Variants in CPEB2 observed in about 807,000 individuals in gnomAD.
CPEB2 encodes cytoplasmic polyadenylation element-binding protein 2.
CPEB2 carries 56 observed loss-of-function variants against 93.6 expected under a neutral mutation model. The observed-to-expected ratio is 0.60, with a 90% CI of 0.48 to 0.75. The LOEUF (loss-of-function observed/expected upper bound fraction) is 0.75. CPEB2 is among the 30% of genes least tolerant of loss of function. CPEB2 has a pLI of 0.00. For missense variants in CPEB2, 1,579 were observed against 1,395.1 expected, an observed-to-expected ratio of 1.13 and a Z score of -2.10; for synonymous variants, 764 against 586.3, an observed-to-expected ratio of 1.30 and a Z score of -4.38.
At chr4:15,063,784 C>T (rs1330337584) in intron 11 of CPEB2, 1 of 152,054 alleles carries the variant, frequency 6.6e-6, no homozygotes, top group Non-Finnish European at 1.5e-5. Flanking sequence ...TAAAGAGCAA[C>T]TCAGTTGCAG....
chr4:15,038,952 T>C (rs1039281706), intron 5 of CPEB2, among the ~76,000 whole-genome samples: 4 of 152,278 alleles, frequency 2.6e-5, no homozygotes, highest in African/African-American at 9.6e-5. Context: ...TCAGTTGATC[T>C]CCCATCACTT....
In CPEB2 at chr4:15,003,004, G is replaced by A. The variant is rs1722171280; in HGVS notation, c.331G>A (p.Gly111Arg). 6.7e-7 allele frequency: 1 copy of A among 1,497,062 alleles called. No homozygotes were observed. Among genetic ancestry groups the A allele is most frequent in the Non-Finnish European group, 8.8e-7 (1 of 1,134,466 alleles). The allele number at this position is 1,497,062 out of a possible 1,614,324, so 92.7% of individuals were successfully genotyped here. A position where few individuals can be genotyped will look rare whatever the true frequency, so the allele number is the denominator to read the frequency against. ...ACAGCAGCCGGCGCGGCCGCTTTCG[G>A]GGGCGGCGGCCACGGAGAAACTCCC... ...LTQQPARPLS[G>R]AAATEKLPDH... The change falls in exon 1 of 12, where the codon GGG (glycine) becomes AGG (arginine). Residue 111 changes from glycine (G) to arginine (R), a missense_variant. By Grantham distance (125) the Gly-to-Arg change is moderately radical. This residue lies in a region of CPEB2 where 1,411 missense variants were observed against 1,056.0 expected (regional missense o/e 1.34). Coordinates refer to ENST00000538197, the MANE Select transcript of CPEB2 (RefSeq NM_001177382.2).
At chr4:15,059,942 A>C (rs1729040955) in intron 10 of CPEB2, among the ~76,000 whole-genome samples, 1 of 152,202 alleles carries the variant, frequency 6.6e-6, no homozygotes, top group Non-Finnish European at 1.5e-5. Context: ...TACTTATAGA[A>C]TATGATGACT....
chr4:15,005,183 C>G (rs7437974), intron 1 of CPEB2: 110,588 of 152,210 alleles, frequency 0.73, 41,031 homozygotes, highest in East Asian at 0.97. Flanking sequence ...TGTTAGTGAC[C>G]GCTCGGGTTC....
In CPEB2 at chr4:15,069,218, T is replaced by C. The variant is rs1729917666; in HGVS notation, c.*2838T>C. 1 of 152,248 alleles carries C rather than the reference T, an allele frequency of 6.6e-6. No homozygotes were observed. The highest frequency in any genetic ancestry group is 2.4e-5 in the African/African-American group (1 of 41,398). 9.4% of individuals were successfully genotyped at this position (152,248 alleles called of 1,614,324 possible). A position where few individuals can be genotyped will look rare whatever the true frequency, so the allele number is the denominator to read the frequency against. The stretch of plus-strand genomic sequence containing the variant: ...TGGAAAACACTTGATATTTTATCCC[T>C]GTTGCATCTGGCTGCACAGAGCCTC... On this transcript the variant is annotated 3_prime_UTR_variant, in exon 12 of 12. Coordinates refer to ENST00000538197, the MANE Select transcript of CPEB2 (RefSeq NM_001177382.2).
rs2108929049 is a variant in CPEB2 at position 15,002,993 on chromosome 4, G to A, written c.320G>A (p.Arg107Gln). ...CTGGGGCTGACACAGCAGCCGGCGC[G>A]GCCGCTTTCGGGGGCGGCGGCCACG... ...LLLGLTQQPA[R>Q]PLSGAAATEK... The change falls in exon 1 of 12, where the codon CGG becomes CAG. Residue 107 changes from arginine (R) to glutamine (Q), a missense_variant. Physicochemically the swap from Arg to Gln is conservative, Grantham distance 43. This residue lies in a region of CPEB2 where 1,411 missense variants were observed against 1,056.0 expected (regional missense o/e 1.34). Transcript: ENST00000538197. The A allele has an allele frequency of 2.7e-6, 4 of 1,497,046 alleles. No homozygotes were observed. The highest frequency in any genetic ancestry group is 2.5e-5 in the East Asian group (1 of 40,080). 92.7% of individuals were successfully genotyped at this position (1,497,046 alleles called of 1,614,324 possible). A position where few individuals can be genotyped will look rare whatever the true frequency, so the allele number is the denominator to read the frequency against.
Position 15,002,640 on chromosome 4 carries a change from G to A in CPEB2, c.-34G>A. The A allele has an allele frequency of 6.8e-7, 1 of 1,465,564 alleles. No homozygotes were observed. Among genetic ancestry groups the A allele is most frequent in the Non-Finnish European group, 9.0e-7 (1 of 1,106,888 alleles). 90.8% of individuals were successfully genotyped at this position (1,465,564 alleles called of 1,614,324 possible). On this transcript the variant is annotated 5_prime_UTR_variant, in exon 1 of 12. Coordinates refer to ENST00000538197, the MANE Select transcript of CPEB2 (RefSeq NM_001177382.2). ...GCTTCCTAGGTGGGGCAGGGGACGA[G>A]GAGCGTCTCCTCCCGCTGCCGGCGG... is the stretch of plus-strand genomic sequence containing the variant.
At chr4:15,018,936 T>TTATATATATATATA (rs56945294) in intron 4 of CPEB2, among the ~76,000 whole-genome samples, 146 of 133,056 alleles carry the variant, frequency 1.1e-3, no homozygotes, top group African/African-American at 2.3e-3. Context: ...AAGGGGAATT[T>TTATATATATATATA]TATATATATA....
At chr4:15,024,581 T>A (rs1414285051) in intron 4 of CPEB2, among the ~76,000 whole-genome samples, 1 of 152,052 alleles carries the variant, frequency 6.6e-6, no homozygotes, top group Admixed American at 6.6e-5. Flanking sequence ...GGTTCTGCAG[T>A]TTCATAGTAA....
chr4:15,062,114 G>A lies in CPEB2; in HGVS notation c.2731G>A (p.Gly911Arg), dbSNP rs201654822. ...LAMIMDRLYG[G>R]VCYAGIDTDP... The stretch of plus-strand genomic sequence containing the variant: ...TATGATCATGGACCGGCTGTATGGT[G>A]GAGTTTGTTATGCAGGAATTGATAC... Residue 911 changes from glycine to arginine, a missense_variant, in exon 11 of 12, where the codon GGA (glycine) becomes AGA (arginine). By Grantham distance (125) the Gly-to-Arg change is moderately radical. Coordinates refer to ENST00000538197, the MANE Select transcript of CPEB2 (RefSeq NM_001177382.2). 6.2e-7 allele frequency: 1 copy of A among 1,611,688 alleles called. No homozygotes were observed. The highest frequency in any genetic ancestry group is 8.5e-7 in the Non-Finnish European group (1 of 1,178,382).
intron 8 of CPEB2, among the ~76,000 whole-genome samples, chr4:15,057,153 ATCT>A (rs1728788527): frequency 6.6e-6 from 1 of 152,150 alleles, no homozygotes; most frequent in Non-Finnish European, 1.5e-5. Context: ...CCTTAAAAAA[ATCT>A]TCATTATTTT....
intron 4 of CPEB2, among the ~76,000 whole-genome samples, chr4:15,019,318 T>A (rs1363777985): frequency 2.0e-5 from 3 of 151,950 alleles, no homozygotes; most frequent in Non-Finnish European, 4.4e-5. Context: ...AAGTCTTTTT[T>A]TTTTCCTTTC....
intron 4 of CPEB2, among the ~76,000 whole-genome samples, chr4:15,025,844 C>T (rs1725393841): frequency 6.6e-6 from 1 of 152,004 alleles, no homozygotes; most frequent in Non-Finnish European, 1.5e-5. Context: ...TTCTGGTCTA[C>T]AAAGTTAGTT....
intron 11 of CPEB2, among the ~76,000 whole-genome samples, chr4:15,062,760 A>G (rs1044645769): frequency 6.6e-6 from 1 of 152,146 alleles, no homozygotes; most frequent in African/African-American, 2.4e-5. Context: ...ATTTGTCACA[A>G]AATCTAAAAT....
chr4:15,044,177 CCG>C (rs1727447704), intron 6 of CPEB2, among the ~76,000 whole-genome samples: 1 of 152,154 alleles, frequency 6.6e-6, no homozygotes, highest in Non-Finnish European at 1.5e-5. Context: ...AAACCATGGC[CCG>C]CAGGCCAAGG....
intron 4 of CPEB2, among the ~76,000 whole-genome samples, chr4:15,021,032 C>T (rs940195166): frequency 1.3e-5 from 2 of 152,082 alleles, no homozygotes; most frequent in Non-Finnish European, 2.9e-5. Context: ...GAGATTGTTA[C>T]ATTTGAGGAA....
intron 1 of CPEB2, among the ~76,000 whole-genome samples, chr4:15,004,726 C>T (rs1034205721): frequency 6.6e-6 from 1 of 151,852 alleles, no homozygotes; most frequent in African/African-American, 2.4e-5. Flanking sequence ...CCGGGATCCG[C>T]CCTGTGCCCT....
At chr4:15,012,390 C>T (rs555262002) in intron 3 of CPEB2, among the ~76,000 whole-genome samples, 44 of 151,870 alleles carry the variant, frequency 2.9e-4, no homozygotes, top group African/African-American at 9.4e-4. Context: ...TATTGAGGTT[C>T]GAAATTAATA....
In CPEB2 at chr4:15,003,751, G is replaced by C. The variant is rs943210476; in HGVS notation, c.1078G>C (p.Gly360Arg). ...CGGCGGCGGCGGCGGCGGGGGCGGGGGGCCCCCAGGAGGCGGAGGGGGAGG... is the reference window on the plus strand; with the variant it reads ...CGGCGGCGGCGGCGGCGGGGGCGGGCGGCCCCCAGGAGGCGGAGGGGGAGG... Reference protein sequence around the residue: ...PGGGGGGGGGGPPGGGGGGGS... With the variant: ...PGGGGGGGGGRPPGGGGGGGS... Residue 360 changes from glycine (G) to arginine (R), a missense_variant, in exon 1 of 12, where the codon GGG becomes CGG. Coordinates refer to ENST00000538197, the MANE Select transcript of CPEB2 (RefSeq NM_001177382.2). 1.6e-6 allele frequency: 2 copies of C among 1,264,918 alleles called. No individual in the cohort carries two copies. Among genetic ancestry groups the C allele is most frequent in the Non-Finnish European group, 2.0e-6 (2 of 1,011,674 alleles). 78.4% of individuals were successfully genotyped at this position (1,264,918 alleles called of 1,614,324 possible).
Sources: allele counts gnomAD v4.1 joint callset (sites outside exome capture counted in the v4.1 genomes callset), GRCh38; gene constraint gnomAD v4.1.1; regional missense constraint gnomAD v4.1.1; transcripts MANE v1.5; gene names NCBI Gene and HGNC (gene_info 2026-07-23, HGNC 2026-07-21).